PCDH7: variants seen among roughly 807,000 people sequenced by gnomAD.
The protein encoded by PCDH7 is protocadherin-7.
A neutral mutation model predicts 58.9 loss-of-function variants in PCDH7; 17 were observed. The ratio of observed to expected loss-of-function variants is 0.29; its 90% CI spans 0.20 to 0.43. The LOEUF (loss-of-function observed/expected upper bound fraction) is 0.43, where lower values mean the gene tolerates loss of function less well. Ranked by LOEUF, PCDH7 falls within the 20% of genes least tolerant of loss-of-function variation. The pLI, the probability that PCDH7 is intolerant of heterozygous loss-of-function variation, is 1.00. For missense variants in PCDH7, 1,274 were observed against 1,441.0 expected (o/e 0.88, Z 1.88); for synonymous variants, 664 against 616.4 (o/e 1.08, Z -1.14).
intron 3 of PCDH7, among the ~76,000 whole-genome samples, chr4:31,088,439 T>C (rs1712762069): frequency 6.6e-6 from 1 of 152,042 alleles, no homozygotes. Context: ...GTTTAGTCAC[T>C]TTTCCCTTGG....
intron 1 of PCDH7, among the ~76,000 whole-genome samples, chr4:30,806,272 C>T (rs1003964156): frequency 3.3e-5 from 5 of 152,078 alleles, no homozygotes; most frequent in Non-Finnish European, 7.4e-5. Context: ...CTAAAATCCA[C>T]TCTGACCCCT....
intron 2 of PCDH7, among the ~76,000 whole-genome samples, chr4:30,937,505 T>C (rs1745503162): frequency 6.6e-6 from 1 of 152,116 alleles, no homozygotes; most frequent in Admixed American, 6.6e-5. Context: ...TGCCAATTGA[T>C]CTAAATTATT....
intron 2 of PCDH7, among the ~76,000 whole-genome samples, chr4:30,934,778 A>G (rs1474184376): frequency 6.6e-6 from 1 of 152,140 alleles, no homozygotes; most frequent in Non-Finnish European, 1.5e-5. Flanking sequence ...GTCCTTCTTA[A>G]ATATAACAAT....
intron 2 of PCDH7, among the ~76,000 whole-genome samples, chr4:30,935,727 A>G (rs1026925180): frequency 6.6e-6 from 1 of 152,174 alleles, no homozygotes; most frequent in East Asian, 1.9e-4. Flanking sequence ...TGTAAAGATT[A>G]TCACCGATCA....
At chr4:31,005,599 C>A (rs1456103968) in intron 3 of PCDH7, among the ~76,000 whole-genome samples, 1 of 152,160 alleles carries the variant, frequency 6.6e-6, no homozygotes, top group Non-Finnish European at 1.5e-5. Flanking sequence ...AACCATATAA[C>A]ACTTTTTCTC....
intron 1 of PCDH7, among the ~76,000 whole-genome samples, chr4:30,809,169 A>G (rs28625190): frequency 0.012 from 1,841 of 152,342 alleles, 38 homozygotes; most frequent in African/African-American, 0.042. Context: ...TGTAGCTCAT[A>G]TATTTAACAA....
intron 3 of PCDH7, among the ~76,000 whole-genome samples, chr4:31,127,384 T>G (rs1314158819): frequency 3.3e-5 from 5 of 152,306 alleles, no homozygotes; most frequent in Non-Finnish European, 7.4e-5. Context: ...AATTTGACAT[T>G]GTGACAGATT....
intron 1 of PCDH7, among the ~76,000 whole-genome samples, chr4:30,796,317 T>C (rs933626032): frequency 5.3e-5 from 8 of 152,234 alleles, no homozygotes; most frequent in African/African-American, 7.2e-5. Flanking sequence ...GTCACCGTTA[T>C]TTACTGTTTA....
chr4:30,800,539 A>G lies in PCDH7; in HGVS notation c.70+75943A>G, dbSNP rs566517996. On this transcript the variant is annotated intron_variant, in intron 1 of 3. Transcript: ENST00000509759. ...AAATATCTGTGTTTTCAAAGACCTCACTACCATGAGAGTTAGATGTGTTGG... is the reference window on the plus strand; with the variant it reads ...AAATATCTGTGTTTTCAAAGACCTCGCTACCATGAGAGTTAGATGTGTTGG... Among the ~76,000 whole-genome samples, 3 of 152,304 alleles carry G rather than the reference A, an allele frequency of 2.0e-5. No homozygotes were observed. In the South Asian group the frequency reaches 6.2e-4, roughly 32 times the overall value.
chr4:30,874,122 T>C (rs1735966527), intron 1 of PCDH7, among the ~76,000 whole-genome samples: 1 of 152,074 alleles, frequency 6.6e-6, no homozygotes, highest in Admixed American at 6.6e-5. Flanking sequence ...TCGACCATTG[T>C]GGAAGTCAGT....
intron 1 of PCDH7, among the ~76,000 whole-genome samples, chr4:30,779,895 T>G (rs1035652851): frequency 2.0e-5 from 3 of 152,202 alleles, no homozygotes; most frequent in African/African-American, 7.2e-5. Context: ...TCACTTCATC[T>G]TCTCATTAGC....
intron 3 of PCDH7, among the ~76,000 whole-genome samples, chr4:31,100,575 A>G (rs959334622): frequency 6.6e-6 from 1 of 152,180 alleles, no homozygotes. Flanking sequence ...AGTTCCCAGT[A>G]TCTTAGGAAC....
At chr4:30,991,022 T>C (rs1751422564) in intron 3 of PCDH7, among the ~76,000 whole-genome samples, 1 of 152,082 alleles carries the variant, frequency 6.6e-6, no homozygotes, top group South Asian at 2.1e-4. Flanking sequence ...GAAAAGGGGA[T>C]TCTATAGATG....
intron 3 of PCDH7, among the ~76,000 whole-genome samples, chr4:31,116,702 T>C (rs1717025724): frequency 6.6e-6 from 1 of 152,228 alleles, no homozygotes; most frequent in Admixed American, 6.5e-5. Flanking sequence ...AAAGAATTAA[T>C]ACAACTGTAA....
chr4:31,107,057 T>C (rs2109306724), intron 3 of PCDH7, among the ~76,000 whole-genome samples: 1 of 152,312 alleles, frequency 6.6e-6, no homozygotes, highest in Non-Finnish European at 1.5e-5. Context: ...CATTATTTAT[T>C]TTCTACATTT....
chr4:31,036,993 AC>A (rs962022285), intron 3 of PCDH7, among the ~76,000 whole-genome samples: 9 of 151,734 alleles, frequency 5.9e-5, no homozygotes, highest in Non-Finnish European at 1.0e-4. Context: ...GGAAAGATCC[AC>A]CCCCCTGATT....
intron 1 of PCDH7, among the ~76,000 whole-genome samples, chr4:30,809,239 A>G (rs968579749): frequency 7.2e-5 from 11 of 152,300 alleles, no homozygotes; most frequent in Middle Eastern, 3.4e-3. Context: ...ACTCATAATC[A>G]ATCATCTGGA....
chr4:30,906,669 T>G (rs1173510591), intron 1 of PCDH7, among the ~76,000 whole-genome samples: 1 of 152,176 alleles, frequency 6.6e-6, no homozygotes, highest in Non-Finnish European at 1.5e-5. Flanking sequence ...AGTAATTTGA[T>G]ATATTAGAAA....
chr4:31,005,481 G>T (rs1339084059), intron 3 of PCDH7, among the ~76,000 whole-genome samples: 1 of 152,130 alleles, frequency 6.6e-6, no homozygotes, highest in African/African-American at 2.4e-5. Flanking sequence ...GGAGAAACCA[G>T]GTTGGAAATA....
Sources: allele counts gnomAD v4.1 joint callset (sites outside exome capture counted in the v4.1 genomes callset), GRCh38; gene constraint gnomAD v4.1.1; transcripts MANE v1.5; gene names NCBI Gene and HGNC (gene_info 2026-07-23, HGNC 2026-07-21).